TMEM126B: variants seen among roughly 807,000 people sequenced by gnomAD.
TMEM126B encodes the protein complex I assembly factor TMEM126B, mitochondrial.
TMEM126B carries 19 observed loss-of-function variants against 16.5 expected under a neutral mutation model. The observed-to-expected ratio is 1.15, with a 90% CI of 0.80 to 1.69. The LOEUF is 1.69. Ranked by LOEUF, TMEM126B falls within the 40% of genes most tolerant of loss-of-function variation. The pLI is 0.00. For missense variants in TMEM126B, 293 were observed against 278.7 expected (o/e 1.05, Z -0.37); for synonymous variants, 104 against 93.2 (o/e 1.12, Z -0.67).
chr11:85,634,811 A>G (rs1393689581), intron 3 of TMEM126B: 2 of 152,618 alleles, frequency 1.3e-5, no homozygotes, highest in Non-Finnish European at 2.9e-5. Flanking sequence ...TAGAGCATCT[A>G]TCCCTTGTTC....
chr11:85,635,850 ACT>A (rs1491177170), intron 4 of TMEM126B, 72 bp downstream of exon 4: 8 of 1,102,380 alleles, frequency 7.3e-6, no homozygotes, highest in South Asian at 1.7e-5. Flanking sequence ...AGGTTAATAA[ACT>A]CTCTTTCTTC....
intron 2 of TMEM126B, among the ~76,000 whole-genome samples, chr11:85,633,162 A>T (rs754220769): frequency 1.3e-5 from 2 of 152,180 alleles, no homozygotes; most frequent in African/African-American, 2.4e-5. Context: ...ATAGTATTCC[A>T]TGGTGTATAT....
At chr11:85,630,801 C>T (rs1234735417) in intron 1 of TMEM126B, among the ~76,000 whole-genome samples, 2 of 152,178 alleles carry the variant, frequency 1.3e-5, no homozygotes, top group East Asian at 3.9e-4. Flanking sequence ...CGGTGGCTCA[C>T]GCCTTTAATC....
intron 1 of TMEM126B, 35 bp from the exon 2 acceptor site, chr11:85,631,652 A>T (rs778321372): frequency 2.5e-6 from 4 of 1,585,654 alleles, no homozygotes; most frequent in Non-Finnish European, 3.4e-6. Context: ...TATGAATATC[A>T]TTAGCTATTA....
intron 4 of TMEM126B, 90 bp from the exon 5 acceptor site, chr11:85,635,956 T>C (rs1483283738): frequency 2.2e-6 from 3 of 1,391,744 alleles, no homozygotes; most frequent in Non-Finnish European, 2.9e-6. Context: ...ATTATAGATC[T>C]AGAAAGGCAA....
intron 2 of TMEM126B, among the ~76,000 whole-genome samples, chr11:85,633,724 T>C (rs889411214): frequency 3.9e-5 from 6 of 152,220 alleles, no homozygotes; most frequent in African/African-American, 2.4e-5. Flanking sequence ...GTAAATCTTT[T>C]AGTTGCAGGA....
intron 3 of TMEM126B, chr11:85,634,512 C>A: frequency 2.4e-6 from 1 of 408,484 alleles, no homozygotes; most frequent in Non-Finnish European, 4.4e-6. Flanking sequence ...TTCAAGTACG[C>A]TAATAAGCAA....
At chr11:85,629,488 G>A (rs1415725318) in intron 1 of TMEM126B, among the ~76,000 whole-genome samples, 1 of 152,178 alleles carries the variant, frequency 6.6e-6, no homozygotes, top group Non-Finnish European at 1.5e-5. Flanking sequence ...TATTTCCTGT[G>A]TTCTTTCCAG....
intron 3 of TMEM126B, 152 bp downstream of exon 3, chr11:85,634,431 G>A (rs2082361861): frequency 1.7e-6 from 1 of 591,046 alleles, no homozygotes; most frequent in Non-Finnish European, 2.8e-6. Flanking sequence ...TTTAATCCCT[G>A]CAACAATCCT....
rs189678995 is a variant in TMEM126B, at chr11:85,633,520, T to C, written c.204-566T>C. On this transcript the variant is annotated intron_variant, in intron 2 of 4. Transcript: ENST00000358867. ...CTAATTCATGTGAGATGGTATCTCA[T>C]TGTGGTTTTGATTTGCATTTCTCTG... Among the ~76,000 whole-genome samples the C allele has an allele frequency of 2.0e-3, 308 of 152,354 alleles. 2 individuals are homozygous for C. The highest frequency in any genetic ancestry group is 1.5e-3 in the Non-Finnish European group (102 of 68,024).
Position 85,631,784 on chromosome 11 carries a change from A to ATTT in TMEM126B, c.181_183dup (p.Phe61dup). On this transcript the variant is annotated inframe_insertion, in exon 2 of 5. Transcript: ENST00000358867. ...ATGGTCATAGAAATCATAGAAAAAA[A>ATTT]TTTTGACTATCTTAGAAAAGAAATG... 1.9e-6 allele frequency: 3 copies of ATTT among 1,608,194 alleles called. No homozygotes were observed. The South Asian group carries it at 3.3e-5, about 18-fold the overall frequency.
At chr11:85,629,972 A>G (rs2082246098) in intron 1 of TMEM126B, among the ~76,000 whole-genome samples, 1 of 152,202 alleles carries the variant, frequency 6.6e-6, no homozygotes, top group Non-Finnish European at 1.5e-5. Flanking sequence ...TCATTGTGTA[A>G]CACCATAAGA....
chr11:85,629,018 G>A (rs2082173004), intron 1 of TMEM126B: 2 of 481,742 alleles, frequency 4.2e-6, no homozygotes, highest in Admixed American at 2.4e-5. Flanking sequence ...TGATTTAAAT[G>A]TCACTTCTTC....
chr11:85,629,957 A>G (rs977475690), intron 1 of TMEM126B, among the ~76,000 whole-genome samples: 11 of 152,172 alleles, frequency 7.2e-5, no homozygotes, highest in Admixed American at 6.5e-4. Flanking sequence ...CTGGTCCATT[A>G]TTACTCATTG....
intron 1 of TMEM126B, chr11:85,629,209 G>T (rs567926641): frequency 7.0e-6 from 9 of 1,289,028 alleles, no homozygotes; most frequent in Non-Finnish European, 8.1e-6. Flanking sequence ...CGGAGGTCTG[G>T]CATATACCAC....
intron 1 of TMEM126B, chr11:85,631,043 C>A: frequency 1.2e-6 from 1 of 850,160 alleles, no homozygotes; most frequent in Non-Finnish European, 1.7e-6. Context: ...AAGTAGTAGC[C>A]ACAATCCACT....
intron 4 of TMEM126B, 79 bp from the exon 5 acceptor site, chr11:85,635,967 T>G: frequency 2.8e-6 from 4 of 1,422,110 alleles, no homozygotes; most frequent in Non-Finnish European, 3.8e-6. Context: ...AGAAAGGCAA[T>G]TATCAATTTA....
At chr11:85,633,084 A>G (rs1347359529) in intron 2 of TMEM126B, among the ~76,000 whole-genome samples, 1 of 152,196 alleles carries the variant, frequency 6.6e-6, no homozygotes, top group Non-Finnish European at 1.5e-5. Context: ...TAGTTTACTG[A>G]GAATGATGAT....
rs1419351671 is a variant in TMEM126B at position 85,628,661 on chromosome 11, G to A, written c.54G>A (p.Val18=). Residue 18 remains valine (V), a synonymous_variant, in exon 1 of 5, where the codon GTG becomes GTA. Transcript: ENST00000358867. ...CTAAGCCAAGGGATTCAGGTGTGGT[G>A]CCGGTGGGAACTGAGGAAGCGCCCA... ...AGTKPRDSGV[V]PVGTEEAPKV... 1.2e-5 allele frequency: 18 copies of A among 1,536,088 alleles called. No individual in the cohort carries two copies. Among genetic ancestry groups the A allele is most frequent in the Non-Finnish European group, 1.6e-5 (18 of 1,146,932 alleles).
Sources: gnomAD v4.1 joint callset for allele counts (sites outside exome capture counted in the v4.1 genomes callset) on GRCh38, gnomAD v4.1.1 for gene constraint, MANE v1.5 for transcripts, NCBI Gene and HGNC (gene_info 2026-07-23, HGNC 2026-07-21) for gene names.